FRMD4A: variants seen among roughly 807,000 people sequenced by gnomAD.
FRMD4A encodes the protein FERM domain containing 4A.
FRMD4A carries 29 observed loss-of-function variants against 129.1 expected under a neutral mutation model. The observed-to-expected ratio is 0.22, with a 90% CI of 0.17 to 0.31. The LOEUF (loss-of-function observed/expected upper bound fraction) is 0.31, where lower values mean the gene tolerates loss of function less well. FRMD4A is among the 10% of genes least tolerant of loss of function. The pLI, the probability that FRMD4A is intolerant of heterozygous loss-of-function variation, is 1.00. For synonymous variants in FRMD4A, 634 were observed against 571.6 expected (o/e 1.11, Z -1.56); for missense variants, 1,272 against 1,375.8 (o/e 0.92, Z 1.19).
At chr10:13,902,565 C>T (rs1348591362) in intron 2 of FRMD4A, among the ~76,000 whole-genome samples, 1 of 151,490 alleles carries the variant, frequency 6.6e-6, no homozygotes, top group Admixed American at 6.6e-5. Context: ...CTGGGCTGGG[C>T]ACAGTGGCTC....
intron 2 of FRMD4A, among the ~76,000 whole-genome samples, chr10:14,090,222 G>A (rs544530255): frequency 3.9e-5 from 6 of 152,330 alleles, no homozygotes; most frequent in South Asian, 4.1e-4. Context: ...GCTGCAGGCC[G>A]ACCGCTGCAC....
At chr10:13,931,743 G>C (rs989813335) in intron 2 of FRMD4A, among the ~76,000 whole-genome samples, 2 of 147,052 alleles carry the variant, frequency 1.4e-5, no homozygotes, top group Non-Finnish European at 1.5e-5. Context: ...TTTGAGACCA[G>C]CCTGGCCAAC....
intron 2 of FRMD4A, among the ~76,000 whole-genome samples, chr10:14,227,054 C>T (rs1709532373): frequency 6.6e-6 from 1 of 152,136 alleles, no homozygotes; most frequent in African/African-American, 2.4e-5. Context: ...TGGCTGACCA[C>T]TCCCCACGAG....
At chr10:14,305,936 C>G (rs1224003380) in intron 2 of FRMD4A, among the ~76,000 whole-genome samples, 1 of 152,114 alleles carries the variant, frequency 6.6e-6, no homozygotes, top group Non-Finnish European at 1.5e-5. Context: ...AACACATGGA[C>G]ACATAGGGAG....
At chr10:14,268,009 A>G (rs1020851014) in intron 2 of FRMD4A, among the ~76,000 whole-genome samples, 1 of 152,186 alleles carries the variant, frequency 6.6e-6, no homozygotes, top group African/African-American at 2.4e-5. Flanking sequence ...AAATTTATAA[A>G]ATAATACGCC....
At chr10:13,733,026 G>A (rs1354238451) in intron 12 of FRMD4A, among the ~76,000 whole-genome samples, 1 of 152,246 alleles carries the variant, frequency 6.6e-6, no homozygotes, top group Admixed American at 6.5e-5. Context: ...AGCAGCTTCA[G>A]ATGAGTTCCT....
chr10:14,313,823 A>G (rs1846641979), intron 2 of FRMD4A, among the ~76,000 whole-genome samples: 1 of 152,240 alleles, frequency 6.6e-6, no homozygotes, highest in Admixed American at 6.5e-5. Context: ...ACCTATCTAT[A>G]TCCACACTTA....
intron 2 of FRMD4A, among the ~76,000 whole-genome samples, chr10:13,907,523 T>A (rs1220837801): frequency 2.0e-5 from 3 of 152,142 alleles, no homozygotes; most frequent in African/African-American, 7.2e-5. Context: ...CAACCGCCGA[T>A]TCTTACAATA....
chr10:13,876,985 A>C (rs938502909), intron 2 of FRMD4A, among the ~76,000 whole-genome samples: 9 of 152,190 alleles, frequency 5.9e-5, no homozygotes, highest in Non-Finnish European at 1.0e-4. Context: ...TTTGTCATTC[A>C]CATACCTATG....
chr10:13,718,361 G>C (rs1477066911), intron 12 of FRMD4A, among the ~76,000 whole-genome samples: 2 of 152,258 alleles, frequency 1.3e-5, no homozygotes, highest in Non-Finnish European at 2.9e-5. Flanking sequence ...AGCCAGCAGA[G>C]ATAGGAGGCG....
At position 13,966,104 on chromosome 10, in the gene FRMD4A, C is replaced by A. The variant is rs575331471; in HGVS notation, c.46-107192G>T. Among the ~76,000 whole-genome samples the A allele has an allele frequency of 9.9e-5, 15 of 152,110 alleles. No individual in the cohort carries two copies. The South Asian group carries it at 3.1e-3, about 32-fold the overall frequency. ...GGCTCACTGCGACCTCTCGAACTCC[C>A]GACCTCCCGGGTTCAAGCGATTCTC... On this transcript the variant is annotated intron_variant, in intron 2 of 24. Transcript: ENST00000357447.
intron 2 of FRMD4A, among the ~76,000 whole-genome samples, chr10:13,936,065 T>C (rs2095246816): frequency 1.3e-5 from 2 of 152,206 alleles, no homozygotes; most frequent in African/African-American, 4.8e-5. Context: ...ATGGACTCAG[T>C]TACACTGAAC....
chr10:14,074,339 C>T (rs1262163266), intron 2 of FRMD4A: 1 of 152,140 alleles, frequency 6.6e-6, no homozygotes, highest in Non-Finnish European at 1.5e-5. Flanking sequence ...ACCTGAGGGT[C>T]AGATTCAGAT....
At position 13,983,104 on chromosome 10, in the gene FRMD4A, G is replaced by A. The variant is rs1212067400; in HGVS notation, c.46-124192C>T. Among the ~76,000 whole-genome samples the A allele has an allele frequency of 2.6e-5, 4 of 152,186 alleles. No individual in the cohort carries two copies. In the South Asian group the frequency reaches 8.3e-4, roughly 32 times the overall value. On this transcript the variant is annotated intron_variant, in intron 2 of 24. Coordinates refer to ENST00000357447, the MANE Select transcript of FRMD4A (RefSeq NM_018027.5). Reference sequence around the variant, plus strand: ...GCCTCCCAACTAGCTGGGGCTATAGGCGTGTGCCACTACACCAGGCTAATT... The same window carrying A: ...GCCTCCCAACTAGCTGGGGCTATAGACGTGTGCCACTACACCAGGCTAATT...
chr10:13,673,423 G>A (rs970841210), intron 16 of FRMD4A, among the ~76,000 whole-genome samples: 7 of 152,230 alleles, frequency 4.6e-5, no homozygotes, highest in East Asian at 3.9e-4. Context: ...AGGGGTATAC[G>A]TCTCTTTGAC....
chr10:13,689,220 G>GGGGGT (rs2085431869), intron 15 of FRMD4A, among the ~76,000 whole-genome samples: 1 of 104,956 alleles, frequency 9.5e-6, no homozygotes, highest in African/African-American at 3.5e-5. Flanking sequence ...GGGGGGGGGG[G>GGGGGT]AGGGCTATAA....
chr10:13,681,533 GT>G (rs1313856605), intron 15 of FRMD4A, among the ~76,000 whole-genome samples: 1 of 151,806 alleles, frequency 6.6e-6, no homozygotes, highest in Non-Finnish European at 1.5e-5. Context: ...TCTCAATACG[GT>G]TTGTGAAAGG....
At chr10:14,228,265 A>C (rs1249778713) in intron 2 of FRMD4A, among the ~76,000 whole-genome samples, 1 of 152,244 alleles carries the variant, frequency 6.6e-6, no homozygotes, top group African/African-American at 2.4e-5. Flanking sequence ...CCAGGAATTC[A>C]AATCCAATTT....
chr10:14,204,586 C>G (rs931465817), intron 2 of FRMD4A, among the ~76,000 whole-genome samples: 2 of 152,094 alleles, frequency 1.3e-5, no homozygotes, highest in Non-Finnish European at 2.9e-5. Context: ...TGAATAGATC[C>G]AGACCCACTT....
Sources: allele counts gnomAD v4.1 joint callset (sites outside exome capture counted in the v4.1 genomes callset), GRCh38; gene constraint gnomAD v4.1.1; transcripts MANE v1.5; gene names NCBI Gene and HGNC (gene_info 2026-07-23, HGNC 2026-07-21).